The following FRMPD4 variants were observed in gnomAD, a reference collection of about 807,000 sequenced individuals.
The protein encoded by FRMPD4 is FERM and PDZ domain containing 4.
Under a neutral mutation model 94.1 loss-of-function variants are expected in FRMPD4, and 22 were observed. That is an observed-to-expected ratio of 0.23 (90% confidence interval 0.17 to 0.33). The LOEUF is 0.33. Ranked by LOEUF, FRMPD4 falls within the 10% of genes least tolerant of loss-of-function variation. The probability of loss-of-function intolerance (pLI) is 1.00; values close to 1 mark genes in which losing one functional copy is unlikely to be tolerated. For synonymous variants in FRMPD4, 631 were observed against 548.6 expected (o/e 1.15, Z -2.10); for missense variants, 1,111 against 1,339.9 (o/e 0.83, Z 2.67).
intron 1 of FRMPD4, among the ~76,000 whole-genome samples, chrX:12,208,830 G>A (rs967256413): frequency 9.9e-5 from 11 of 111,331 alleles, no homozygotes; most frequent in Non-Finnish European, 2.1e-4. Flanking sequence ...TATATCTAAA[G>A]CGTAAAGAGT....
At chrX:12,342,585 A>G (rs1359451584) in intron 1 of FRMPD4, among the ~76,000 whole-genome samples, 2 of 111,991 alleles carry the variant, frequency 1.8e-5, no homozygotes, top group Non-Finnish European at 3.8e-5. Context: ...TGGGAAGGCC[A>G]TCCCAAGCTA....
chrX:12,473,681 C>G (rs1317097573), intron 1 of FRMPD4, among the ~76,000 whole-genome samples: 1 of 109,584 alleles, frequency 9.1e-6, no homozygotes, highest in African/African-American at 3.5e-5. Context: ...TCTGATAAAA[C>G]AGACTTTAAA....
At chrX:12,035,716 G>A (rs5979506) in intron 3 of FRMPD4, among the ~76,000 whole-genome samples, 1,341 of 111,130 alleles carry the variant, frequency 0.012, 17 homozygotes, top group African/African-American at 0.041. Context: ...CACTGCTCTT[G>A]AATTTTAAAG....
At chrX:11,826,341 A>G (rs1342081651) in intron 1 of FRMPD4, among the ~76,000 whole-genome samples, 1 of 111,399 alleles carries the variant, frequency 9.0e-6, no homozygotes, top group African/African-American at 3.3e-5. Context: ...TGATATGCCT[A>G]AGATGTGATC....
In FRMPD4 at chrX:12,609,678, A is replaced by G. The variant is rs772324628; in HGVS notation, c.159-43A>G. 5 of 1,124,240 alleles carry G rather than the reference A, an allele frequency of 4.4e-6. No homozygotes were observed. In the South Asian group the frequency reaches 9.2e-5, roughly 21 times the overall value. 92.6% of individuals were successfully genotyped at this position (1,124,240 alleles called of 1,213,427 possible). A position where few individuals can be genotyped will look rare whatever the true frequency, so the allele number is the denominator to read the frequency against. On this transcript the variant is annotated intron_variant, in intron 2 of 16. Transcript: ENST00000675598. Reference sequence around the variant, plus strand: ...TGATTGCCAGGCCAATGCCTAAGACATACATTGATGCCTTGTTTCTCTTGT... The same window carrying G: ...TGATTGCCAGGCCAATGCCTAAGACGTACATTGATGCCTTGTTTCTCTTGT...
intron 3 of FRMPD4, among the ~76,000 whole-genome samples, chrX:12,072,439 T>C (rs1268760634): frequency 8.9e-6 from 1 of 111,842 alleles, no homozygotes; most frequent in Non-Finnish European, 1.9e-5. Flanking sequence ...ACCCGTACTG[T>C]ATGTTGCTCA....
chrX:12,074,009 A>C (rs1052906559), intron 3 of FRMPD4, among the ~76,000 whole-genome samples: 2 of 111,611 alleles, frequency 1.8e-5, no homozygotes, highest in African/African-American at 6.5e-5. Context: ...TGTTTTTTCA[A>C]GTTTTCTGCT....
At chrX:12,000,670 C>T (rs779499228) in intron 3 of FRMPD4, among the ~76,000 whole-genome samples, 2 of 111,359 alleles carry the variant, frequency 1.8e-5, no homozygotes, top group Non-Finnish European at 3.8e-5. Flanking sequence ...TCATACTTTT[C>T]CAGACTGAAC....
At chrX:12,053,450 GAAGAGAGGAA>G (rs1296559547) in intron 3 of FRMPD4, among the ~76,000 whole-genome samples, 1 of 103,477 alleles carries the variant, frequency 9.7e-6, no homozygotes, top group African/African-American at 3.6e-5. Flanking sequence ...GAAGAGAAGA[GAAGAGAGGAA>G]AGGAAAGGAA....
intron 3 of FRMPD4, among the ~76,000 whole-genome samples, chrX:12,083,011 C>T (rs896326362): frequency 8.9e-6 from 1 of 112,461 alleles, no homozygotes; most frequent in African/African-American, 3.2e-5. Context: ...ATGAAAAACC[C>T]ATTTTTTGAG....
intron 1 of FRMPD4, among the ~76,000 whole-genome samples, chrX:12,246,410 C>T (rs1444319386): frequency 9.0e-6 from 1 of 111,573 alleles, no homozygotes; most frequent in Non-Finnish European, 1.9e-5. Context: ...AGAATACTTA[C>T]AGGATTATTC....
At chrX:11,941,290 A>AT in intron 3 of FRMPD4, among the ~76,000 whole-genome samples, 1 of 53,754 alleles carries the variant, frequency 1.9e-5, no homozygotes, top group South Asian at 1.1e-3. Flanking sequence ...AGCTGTTCCT[A>AT]TTCGGCCATC....
intron 1 of FRMPD4, among the ~76,000 whole-genome samples, chrX:12,431,424 T>C (rs967218906): frequency 8.9e-6 from 1 of 112,559 alleles, no homozygotes; most frequent in Non-Finnish European, 1.9e-5. Flanking sequence ...ATGAGACATT[T>C]ACTGACTACC....
intron 1 of FRMPD4, 51 bp downstream of exon 1, chrX:12,139,063 C>T: frequency 6.0e-6 from 6 of 1,006,633 alleles, no homozygotes; most frequent in Non-Finnish European, 7.9e-6. Flanking sequence ...CCGCGGGCAA[C>T]TTGGTGCCTT....
chrX:12,026,077 T>C (rs188505551), intron 3 of FRMPD4, among the ~76,000 whole-genome samples: 6 of 111,807 alleles, frequency 5.4e-5, no homozygotes, highest in Admixed American at 4.7e-4. Context: ...GATATTCAGA[T>C]TATAAAGTCT....
At chrX:11,955,719 G>A (rs1307170307) in intron 3 of FRMPD4, among the ~76,000 whole-genome samples, 2 of 103,695 alleles carry the variant, frequency 1.9e-5, no homozygotes, top group Non-Finnish European at 3.9e-5. Flanking sequence ...TCTAGCCTGG[G>A]CGACAGAGCA....
At chrX:11,927,490 T>A (rs972226906) in intron 3 of FRMPD4, among the ~76,000 whole-genome samples, 1 of 111,485 alleles carries the variant, frequency 9.0e-6, no homozygotes, top group Non-Finnish European at 1.9e-5. Flanking sequence ...CTACCCAACA[T>A]CAAAACTGTA....
intron 1 of FRMPD4, among the ~76,000 whole-genome samples, chrX:12,474,042 C>T (rs1028136435): frequency 1.8e-5 from 2 of 109,690 alleles, no homozygotes; most frequent in Non-Finnish European, 3.8e-5. Context: ...ACACCTATTC[C>T]AAATTGACCA....
intron 3 of FRMPD4, among the ~76,000 whole-genome samples, chrX:11,967,756 G>GTGTTTT (rs36019385): frequency 1.5e-5 from 1 of 65,569 alleles, no homozygotes; most frequent in African/African-American, 5.3e-5. Flanking sequence ...GTGTGTGTGT[G>GTGTTTT]TTTTTTTTTT....
Sources: allele counts gnomAD v4.1 joint callset (sites outside exome capture counted in the v4.1 genomes callset), GRCh38; gene constraint gnomAD v4.1.1; transcripts MANE v1.5; gene names NCBI Gene and HGNC (gene_info 2026-07-23, HGNC 2026-07-21).